Variants in HIPK2 observed in about 807,000 individuals in gnomAD.
The protein encoded by HIPK2 is homeodomain interacting protein kinase 2, also known as homeodomain-interacting protein kinase 2.
Under a neutral mutation model 113.7 loss-of-function variants are expected in HIPK2, and 27 were observed. The ratio of observed to expected loss-of-function variants is 0.24; its 90% CI spans 0.17 to 0.33. The LOEUF (loss-of-function observed/expected upper bound fraction) is 0.33, where lower values mean the gene tolerates loss of function less well. HIPK2 is among the 10% of genes least tolerant of loss of function. The pLI is 1.00. For missense variants in HIPK2, 1,257 were observed against 1,588.0 expected (o/e 0.79, Z 3.54); for synonymous variants, 631 against 642.2 (o/e 0.98, Z 0.26).
At chr7:139,728,344 C>G (rs80212719) in intron 1 of HIPK2, among the ~76,000 whole-genome samples, 3,627 of 152,278 alleles carry the variant, frequency 0.024, 127 homozygotes, top group African/African-American at 0.082. Flanking sequence ...ACTGGGCAGC[C>G]TAAACAGCAG....
chr7:139,600,322 T>C, intron 11 of HIPK2, 95 bp downstream of exon 11: 3 of 1,375,156 alleles, frequency 2.2e-6, no homozygotes, highest in Non-Finnish European at 3.0e-6. Flanking sequence ...AACTGTCCCA[T>C]GTTCAGAGTG....
intron 13 of HIPK2, among the ~76,000 whole-genome samples, chr7:139,577,308 C>T (rs563563808): frequency 6.6e-6 from 1 of 152,156 alleles, no homozygotes; most frequent in African/African-American, 2.4e-5. Context: ...GGCACCACGC[C>T]TGGCTAACTT....
rs1798752296 is a variant in HIPK2, at chr7:139,583,927, G to A, written c.2855C>T (p.Thr952Ile). The A allele has an allele frequency of 1.2e-6, 2 of 1,613,948 alleles. No homozygotes were observed. Among genetic ancestry groups the A allele is most frequent in the Non-Finnish European group, 8.5e-7 (1 of 1,179,908 alleles). ...AGHNNANAFD[T>I]KGSLENHCTG... is the part of the protein sequence containing the mutation. The stretch of plus-strand genomic sequence containing the variant: ...GCAGTGATTCTCCAGGCTCCCCTTG[G>A]TGTCAAAGGCATTGGCATTGTTGTG... Residue 952 changes from threonine (T) to isoleucine (I), a missense_variant, in exon 13 of 15, where the codon ACC becomes ATC. Physicochemically the swap from Thr to Ile is moderately conservative, Grantham distance 89. Transcript: ENST00000406875.
intron 2 of HIPK2, among the ~76,000 whole-genome samples, chr7:139,688,922 CT>C (rs2116764323): frequency 6.6e-6 from 1 of 152,256 alleles, no homozygotes; most frequent in South Asian, 2.1e-4. Context: ...CATTCAGGGG[CT>C]TATGTACAGT....
chr7:139,667,888 G>C (rs1178500049), intron 2 of HIPK2, among the ~76,000 whole-genome samples: 2 of 152,084 alleles, frequency 1.3e-5, no homozygotes, highest in Admixed American at 6.6e-5. Flanking sequence ...AGCACTTTGG[G>C]AGGCCGAGAT....
At chr7:139,741,681 T>C (rs184822270) in intron 1 of HIPK2, among the ~76,000 whole-genome samples, 2 of 152,274 alleles carry the variant, frequency 1.3e-5, no homozygotes, top group African/African-American at 4.8e-5. Context: ...TGAACGTTGA[T>C]CAGTTCAGTA....
chr7:139,674,222 T>C (rs1353147587), intron 2 of HIPK2, among the ~76,000 whole-genome samples: 1 of 152,194 alleles, frequency 6.6e-6, no homozygotes, highest in African/African-American at 2.4e-5. Context: ...CATCATCTCA[T>C]TTGGTGCTCA....
In HIPK2 at chr7:139,573,247, C is replaced by A. The variant is rs754614157; in HGVS notation, c.3277G>T (p.Ala1093Ser). 6 of 1,603,866 alleles carry A rather than the reference C, an allele frequency of 3.7e-6. No homozygotes were observed. Among genetic ancestry groups the A allele is most frequent in the Non-Finnish European group, 5.1e-6 (6 of 1,179,560 alleles). The change falls in exon 15 of 15, where the codon GCT (alanine) becomes TCT (serine). Residue 1093 changes from alanine to serine, a missense_variant. By Grantham distance (99) the Ala-to-Ser change is moderately conservative. Coordinates refer to ENST00000406875, the MANE Select transcript of HIPK2 (RefSeq NM_022740.5). ...VHPHLAAAAA[A>S]AHLPTQPHLY... Reference sequence around the variant, plus strand: ...TGGGGCTGGGTGGGGAGGTGGGCAGCGGCAGCGGCTGCAGCCAGATGCGGG... The same window carrying A: ...TGGGGCTGGGTGGGGAGGTGGGCAGAGGCAGCGGCTGCAGCCAGATGCGGG...
chr7:139,683,244 A>G lies in HIPK2; in HGVS notation c.1103+32688T>C, dbSNP rs1476849890. ...CACACGAGGATAAAAATGCGAACAG[A>G]GACTGCATTAGCTGCCTGTTAATGT... On this transcript the variant is annotated intron_variant, in intron 2 of 14. Transcript: ENST00000406875. This position sits in a 1 kb window ranked among gnomAD's most constrained non-coding sequence, Gnocchi z 4.2. Among the ~76,000 whole-genome samples the G allele has an allele frequency of 6.6e-6, 1 of 152,174 alleles. No homozygotes were observed. Among genetic ancestry groups the G allele is most frequent in the Non-Finnish European group, 1.5e-5 (1 of 68,038 alleles).
intron 2 of HIPK2, among the ~76,000 whole-genome samples, chr7:139,688,500 G>A (rs556155752): frequency 1.3e-5 from 2 of 152,302 alleles, no homozygotes; most frequent in East Asian, 3.9e-4. Context: ...CCAATGTCAA[G>A]GGCCAAAAGG....
In HIPK2 at chr7:139,565,814, T is replaced by C. The variant is rs936867722; in HGVS notation, c.*7113A>G. ...TTGGTGTGAACCCTGCCTCTGGTTC[T>C]GCCCAGAGCTGAAGAGTGAATCTAT... On this transcript the variant is annotated 3_prime_UTR_variant, in exon 15 of 15. Coordinates refer to ENST00000406875, the MANE Select transcript of HIPK2 (RefSeq NM_022740.5). The C allele has an allele frequency of 3.3e-5, 5 of 152,044 alleles. No individual in the cohort carries two copies. Among genetic ancestry groups the C allele is most frequent in the African/African-American group, 7.2e-5 (3 of 41,402 alleles). 9.4% of individuals were successfully genotyped at this position (152,044 alleles called of 1,614,324 possible).
intron 1 of HIPK2, among the ~76,000 whole-genome samples, chr7:139,742,104 C>T (rs1478308523): frequency 3.3e-5 from 5 of 152,172 alleles, no homozygotes; most frequent in African/African-American, 1.2e-4. Context: ...ATGTAAATGA[C>T]AACATCTTTA....
At chr7:139,574,988 C>T in intron 14 of HIPK2, 140 bp downstream of exon 14, 1 of 1,167,132 alleles carries the variant, frequency 8.6e-7, no homozygotes, top group South Asian at 1.6e-5. Flanking sequence ...CAGAGGTCAC[C>T]AAGGGCATGT....
At chr7:139,765,465 T>TA (rs1414417001) in intron 1 of HIPK2, among the ~76,000 whole-genome samples, 3 of 152,184 alleles carry the variant, frequency 2.0e-5, no homozygotes, top group Non-Finnish European at 4.4e-5. Context: ...AAAAGCTTTG[T>TA]AAAAAAGTGG....
intron 1 of HIPK2, among the ~76,000 whole-genome samples, chr7:139,769,353 CCCTGGCTGTCTGGT>C (rs1796611747): frequency 1.3e-5 from 2 of 151,568 alleles, no homozygotes; most frequent in Non-Finnish European, 1.5e-5. Context: ...CATGGCCCAC[CCCTGGCTGTCTGGT>C]TCCTTCTATT....
chr7:139,641,306 A>G (rs2116377781), intron 2 of HIPK2, among the ~76,000 whole-genome samples: 1 of 150,530 alleles, frequency 6.6e-6, no homozygotes, highest in East Asian at 2.0e-4. Context: ...TGGAGGTTGC[A>G]GTGAGCTGAG....
At position 139,716,089 on chromosome 7, in the gene HIPK2, T is replaced by G. The variant is rs777477670; in HGVS notation, c.946A>C (p.Lys316Gln). ...TCAGCGTGGATAAGACCTAGGCTTT[T>G]GAGTTTCATCAGGGCTGTGGCTACC... Reference protein sequence around the residue: ...QQVATALMKLKSLGLIHADLK... With the variant: ...QQVATALMKLQSLGLIHADLK... The change falls in exon 2 of 15, where the codon AAA becomes CAA. Residue 316 changes from lysine to glutamine, a missense_variant. By Grantham distance (53) the Lys-to-Gln change is moderately conservative (BLOSUM62 1). Coordinates refer to ENST00000406875, the MANE Select transcript of HIPK2 (RefSeq NM_022740.5). This position sits in a 1 kb window ranked among gnomAD's most constrained non-coding sequence, Gnocchi z 9.3. 6.2e-7 allele frequency: 1 copy of G among 1,614,100 alleles called. No homozygotes were observed. The highest frequency in any genetic ancestry group is 8.5e-7 in the Non-Finnish European group (1 of 1,179,958).
chr7:139,691,028 A>G (rs1207860023), intron 2 of HIPK2, among the ~76,000 whole-genome samples: 2 of 152,224 alleles, frequency 1.3e-5, no homozygotes, highest in African/African-American at 4.8e-5. Flanking sequence ...TAAGCCTCCA[A>G]TGTATTTGAC....
intron 5 of HIPK2, among the ~76,000 whole-genome samples, chr7:139,628,662 G>A (rs960174627): frequency 6.6e-6 from 1 of 152,170 alleles, no homozygotes; most frequent in African/African-American, 2.4e-5. Context: ...TTGAACTCCT[G>A]ACCTAAGGTC....
Sources: allele counts gnomAD v4.1 joint callset (sites outside exome capture counted in the v4.1 genomes callset), GRCh38; gene constraint gnomAD v4.1.1; non-coding constraint Gnocchi (gnomAD v3.1); transcripts MANE v1.5; gene names NCBI Gene and HGNC (gene_info 2026-07-23, HGNC 2026-07-21).